ASIC2: variants seen among roughly 807,000 people sequenced by gnomAD.
The protein encoded by ASIC2 is acid sensing ion channel subunit 2.
ASIC2 carries 25 observed loss-of-function variants against 57.3 expected under a neutral mutation model. The ratio of observed to expected loss-of-function variants is 0.44; its 90% confidence interval spans 0.32 to 0.61. ASIC2 has a LOEUF of 0.61. Among genes scored for constraint, ASIC2 ranks in the 20% least tolerant of loss-of-function variants. ASIC2 has a pLI of 0.06. For synonymous variants in ASIC2, 319 were observed against 307.5 expected, an observed-to-expected ratio of 1.04 and a Z score of -0.39; for missense variants, 641 against 738.1, an observed-to-expected ratio of 0.87 and a Z score of 1.52.
At chr17:33,060,542 C>T (rs1437149878) in intron 3 of ASIC2, among the ~76,000 whole-genome samples, 1 of 152,142 alleles carries the variant, frequency 6.6e-6, no homozygotes, top group Non-Finnish European at 1.5e-5. Flanking sequence ...GTACAAGTAC[C>T]ATGCTGTTTT....
chr17:33,720,648 G>A (rs904439495), intron 1 of ASIC2, among the ~76,000 whole-genome samples: 4 of 152,218 alleles, frequency 2.6e-5, no homozygotes, highest in African/African-American at 9.6e-5. Context: ...GAGTTGTTAG[G>A]TGATAGCATT....
chr17:33,388,399 T>A (rs1482935310), intron 1 of ASIC2, among the ~76,000 whole-genome samples: 1 of 152,226 alleles, frequency 6.6e-6, no homozygotes, highest in Non-Finnish European at 1.5e-5. Context: ...GGCCCAGGAC[T>A]GCTGGCCACA....
intron 1 of ASIC2, among the ~76,000 whole-genome samples, chr17:33,477,604 T>G (rs908199536): frequency 6.6e-6 from 1 of 152,320 alleles, no homozygotes; most frequent in Admixed American, 6.5e-5. Context: ...TGCATGTGCT[T>G]CTTCTTTCAC....
At chr17:34,091,722 T>C (rs1021840567) in intron 1 of ASIC2, among the ~76,000 whole-genome samples, 7 of 152,340 alleles carry the variant, frequency 4.6e-5, no homozygotes, top group East Asian at 3.9e-4. Context: ...CATGGCACTA[T>C]TGAATCAAAG....
At chr17:34,022,641 CA>C (rs755726883) in intron 1 of ASIC2, among the ~76,000 whole-genome samples, 2,656 of 124,744 alleles carry the variant, frequency 0.021, 84 homozygotes, top group African/African-American at 0.071. Flanking sequence ...AAAAAAAAAA[CA>C]AAAAAAAAAA....
At chr17:33,552,513 A>C (rs1468181058) in intron 1 of ASIC2, among the ~76,000 whole-genome samples, 4 of 152,252 alleles carry the variant, frequency 2.6e-5, no homozygotes, top group Admixed American at 2.6e-4. Flanking sequence ...GGTGTCCAGC[A>C]GACGTGGGTT....
At chr17:33,628,258 A>G (rs969138203) in intron 1 of ASIC2, among the ~76,000 whole-genome samples, 2 of 151,866 alleles carry the variant, frequency 1.3e-5, no homozygotes, top group African/African-American at 2.4e-5. Context: ...GGAAAATCAG[A>G]AAGTAATTGA....
intron 1 of ASIC2, among the ~76,000 whole-genome samples, chr17:33,704,088 G>A (rs1331376940): frequency 2.0e-5 from 3 of 152,144 alleles, no homozygotes; most frequent in Non-Finnish European, 4.4e-5. Flanking sequence ...GGCAGGATAG[G>A]TAGTCAAGAA....
At chr17:33,613,322 G>A (rs1338304658) in intron 1 of ASIC2, among the ~76,000 whole-genome samples, 3 of 150,934 alleles carry the variant, frequency 2.0e-5, no homozygotes. Flanking sequence ...TTTAAACAGT[G>A]TGTGAACCGT....
At chr17:33,024,594 C>G (rs1019313525) in intron 5 of ASIC2, among the ~76,000 whole-genome samples, 4 of 152,238 alleles carry the variant, frequency 2.6e-5, no homozygotes, top group Non-Finnish European at 2.9e-5. Flanking sequence ...CAAAGACTTT[C>G]TCCCTGATCA....
intron 1 of ASIC2, among the ~76,000 whole-genome samples, chr17:33,313,561 T>C (rs1906521157): frequency 6.6e-6 from 1 of 152,160 alleles, no homozygotes; most frequent in African/African-American, 2.4e-5. Flanking sequence ...AATGTGGACT[T>C]TATCATTCTC....
chr17:34,062,296 G>C (rs8074592), intron 1 of ASIC2, among the ~76,000 whole-genome samples: 1 of 151,956 alleles, frequency 6.6e-6, no homozygotes, highest in African/African-American at 2.4e-5. Flanking sequence ...ACAAAATCAA[G>C]ATGGAAATTA....
intron 1 of ASIC2, among the ~76,000 whole-genome samples, chr17:33,566,431 G>A (rs1339045110): frequency 2.6e-5 from 4 of 152,136 alleles, no homozygotes; most frequent in Non-Finnish European, 5.9e-5. Context: ...AATCATCTGG[G>A]CTGCCAGCTG....
intron 1 of ASIC2, among the ~76,000 whole-genome samples, chr17:33,741,538 C>T (rs1477382604): frequency 6.6e-6 from 1 of 152,160 alleles, no homozygotes; most frequent in Non-Finnish European, 1.5e-5. Context: ...CTGGAGATTC[C>T]AAGGGGGCAT....
At chr17:33,659,755 C>T (rs1163998091) in intron 1 of ASIC2, among the ~76,000 whole-genome samples, 6 of 151,838 alleles carry the variant, frequency 4.0e-5, no homozygotes, top group African/African-American at 1.5e-4. Context: ...GCCTGTAGTC[C>T]CAGCTACTGG....
intron 1 of ASIC2, among the ~76,000 whole-genome samples, chr17:33,726,862 C>A (rs1055427877): frequency 2.0e-4 from 31 of 152,172 alleles, no homozygotes; most frequent in African/African-American, 7.2e-4. Flanking sequence ...CACCTCAGGG[C>A]AGAAAGAAGG....
intron 1 of ASIC2, among the ~76,000 whole-genome samples, chr17:33,242,632 A>T (rs433266): frequency 0.11 from 16,349 of 152,234 alleles, 888 homozygotes; most frequent in Middle Eastern, 0.16. Flanking sequence ...AAGAGCCTTA[A>T]GCCCTTGACA....
intron 1 of ASIC2, among the ~76,000 whole-genome samples, chr17:33,855,132 G>A (rs190409372): frequency 4.0e-4 from 61 of 152,304 alleles, no homozygotes; most frequent in Admixed American, 1.7e-3. Flanking sequence ...GTTGCTGGGG[G>A]AAGGTGAATG....
At chr17:33,094,928 G>A (rs117213110) in intron 2 of ASIC2, among the ~76,000 whole-genome samples, 18 of 152,254 alleles carry the variant, frequency 1.2e-4, no homozygotes, top group Non-Finnish European at 2.2e-4. Context: ...AAATACTTGG[G>A]GCTGTGGGAT....
Sources: gnomAD v4.1 joint callset for allele counts (sites outside exome capture counted in the v4.1 genomes callset) on GRCh38, gnomAD v4.1.1 for gene constraint, MANE v1.5 for transcripts, NCBI Gene and HGNC (gene_info 2026-07-23, HGNC 2026-07-21) for gene names.